The following SHANK2 variants were observed in gnomAD, a reference collection of about 807,000 sequenced individuals.
The protein encoded by SHANK2 is SH3 and multiple ankyrin repeat domains 2.
Under a neutral mutation model 133.7 loss-of-function variants are expected in SHANK2, and 43 were observed. The ratio of observed to expected loss-of-function variants is 0.32; its 90% CI spans 0.25 to 0.41. SHANK2 has a LOEUF of 0.41. Among genes scored for constraint, SHANK2 ranks in the 10% least tolerant of loss-of-function variants. The probability of loss-of-function intolerance (pLI) is 1.00; values close to 1 mark genes in which losing one functional copy is unlikely to be tolerated. For missense variants in SHANK2, 1,994 were observed against 2,235.8 expected (o/e 0.89, Z 2.18); for synonymous variants, 1,017 against 952.8 (o/e 1.07, Z -1.24).
chr11:70,888,214 G>C (rs1197699914), intron 11 of SHANK2, among the ~76,000 whole-genome samples: 6 of 151,944 alleles, frequency 3.9e-5, no homozygotes, highest in Non-Finnish European at 5.9e-5. Flanking sequence ...GAGGATATGG[G>C]GTGGAGGAAG....
chr11:70,790,088 C>T (rs965116300), intron 14 of SHANK2, among the ~76,000 whole-genome samples: 9 of 152,190 alleles, frequency 5.9e-5, no homozygotes, highest in Admixed American at 4.6e-4. Flanking sequence ...CTGATTACTT[C>T]GGAAATATTT....
At chr11:71,185,652 T>C (rs563316484) in intron 2 of SHANK2, among the ~76,000 whole-genome samples, 1 of 152,304 alleles carries the variant, frequency 6.6e-6, no homozygotes, top group East Asian at 1.9e-4. Context: ...TCCTGTTGAC[T>C]GACATGGTCC....
intron 10 of SHANK2, among the ~76,000 whole-genome samples, chr11:70,916,741 G>A (rs1310289834): frequency 6.6e-6 from 1 of 152,144 alleles, no homozygotes; most frequent in Admixed American, 6.5e-5. Flanking sequence ...TGACTCCAGG[G>A]TCTCTATCCT....
chr11:70,685,206 GC>G (rs1945118306), intron 15 of SHANK2, among the ~76,000 whole-genome samples: 1 of 151,990 alleles, frequency 6.6e-6, no homozygotes, highest in Non-Finnish European at 1.5e-5. Flanking sequence ...AAAGAAAAAA[GC>G]TCCCAACCTC....
At chr11:70,667,388 G>C (rs1944697849) in intron 15 of SHANK2, among the ~76,000 whole-genome samples, 1 of 152,158 alleles carries the variant, frequency 6.6e-6, no homozygotes, top group Non-Finnish European at 1.5e-5. Flanking sequence ...GGAGCACTTA[G>C]CACCTTGAAG....
chr11:70,733,564 G>T (rs1365508178), intron 14 of SHANK2, among the ~76,000 whole-genome samples: 3 of 152,202 alleles, frequency 2.0e-5, no homozygotes, highest in Admixed American at 6.5e-5. Context: ...ATTCATGGGG[G>T]TACTGTCTGT....
intron 11 of SHANK2, among the ~76,000 whole-genome samples, chr11:70,842,940 C>A (rs1263830467): frequency 6.6e-6 from 1 of 152,064 alleles, no homozygotes; most frequent in East Asian, 1.9e-4. Context: ...GGCGGCCATT[C>A]CCTCGTGTCA....
rs151324565 is a variant in SHANK2, at chr11:70,512,125, C to A, written c.2062-9194G>T. On this transcript the variant is annotated intron_variant, in intron 17 of 25. Coordinates refer to ENST00000601538, the MANE Select transcript of SHANK2 (RefSeq NM_012309.5). ...TTGGCTCAGAGTTTGTGAAATGTGG[C>A]ACTATGGTGATTTTGGACCAATTAA... 7.2e-3 allele frequency among the ~76,000 whole-genome samples: 1,094 copies of A among 152,314 alleles called. 12 individuals are homozygous for A. The highest frequency in any genetic ancestry group is 0.026 in the South Asian group (124 of 4,818).
chr11:70,504,799 T>C (rs2059113704), intron 17 of SHANK2, among the ~76,000 whole-genome samples: 2 of 152,086 alleles, frequency 1.3e-5, no homozygotes, highest in African/African-American at 4.8e-5. Flanking sequence ...CCGGGAGTTC[T>C]CGGAGGGCAG....
In SHANK2 at chr11:71,234,440, T is replaced by C. The variant is rs146259104; in HGVS notation, c.-112-9644A>G. Among the ~76,000 whole-genome samples, 36 of 152,154 alleles carry C rather than the reference T, an allele frequency of 2.4e-4. 1 individual carries two copies. The East Asian group carries it at 6.9e-3, about 29-fold the overall frequency. On this transcript the variant is annotated intron_variant, in intron 1 of 25. Coordinates refer to ENST00000601538, the MANE Select transcript of SHANK2 (RefSeq NM_012309.5). ...TTAGCCTGCAGATGCACCTCTATTT[T>C]TGGAGGTGCTCATCACTCTTACAGA...
chr11:70,651,077 A>C (rs1470693464), intron 17 of SHANK2, among the ~76,000 whole-genome samples: 1 of 152,212 alleles, frequency 6.6e-6, no homozygotes, highest in Non-Finnish European at 1.5e-5. Context: ...ACAGTTAGGA[A>C]GAGGCAGAGC....
intron 1 of SHANK2, among the ~76,000 whole-genome samples, chr11:71,245,702 C>T (rs1440680902): frequency 6.6e-6 from 1 of 152,220 alleles, no homozygotes; most frequent in South Asian, 2.1e-4. Flanking sequence ...GAATGACCCT[C>T]GAGGGAGGGA....
rs185458935 is a variant in SHANK2 at position 71,153,843 on chromosome 11, G to A, written c.-12-6505C>T. ...AAATTAGCCAGGTGTGGTGGTGGGCGCCTGTAATCCCAGCTACTTGGGAGG... is the reference window on the plus strand; with the variant it reads ...AAATTAGCCAGGTGTGGTGGTGGGCACCTGTAATCCCAGCTACTTGGGAGG... On this transcript the variant is annotated intron_variant, in intron 2 of 25. Coordinates refer to ENST00000601538, the MANE Select transcript of SHANK2 (RefSeq NM_012309.5). 3.3e-3 allele frequency among the ~76,000 whole-genome samples: 503 copies of A among 152,186 alleles called. 2 individuals are homozygous for A. Among genetic ancestry groups the A allele is most frequent in the African/African-American group, 0.011 (466 of 41,516 alleles).
intron 10 of SHANK2, among the ~76,000 whole-genome samples, chr11:70,910,046 G>T (rs992958129): frequency 2.0e-5 from 3 of 152,120 alleles, no homozygotes; most frequent in Non-Finnish European, 2.9e-5. Context: ...CTCACACCGT[G>T]GTCCCTCTCT....
rs1195449291 is a variant in SHANK2 at position 70,536,635 on chromosome 11, C to G, written c.2062-33704G>C. Among the ~76,000 whole-genome samples, 4 of 152,330 alleles carry G rather than the reference C, an allele frequency of 2.6e-5. No homozygotes were observed. In the East Asian group the frequency reaches 7.7e-4, roughly 29 times the overall value. ...CTCCTGGGCTTCAGGCTTGTGGCTC[C>G]CCTTCAGCTGGGGTCAGACACCTCA... is the stretch of plus-strand genomic sequence containing the variant. On this transcript the variant is annotated intron_variant, in intron 17 of 25. Transcript: ENST00000601538.
chr11:70,749,689 T>A (rs554063822), intron 14 of SHANK2, among the ~76,000 whole-genome samples: 15 of 152,184 alleles, frequency 9.9e-5, no homozygotes, highest in African/African-American at 2.9e-4. Context: ...CAAATGAAAA[T>A]GTTAAAGTTG....
chr11:70,948,866 A>AT (rs1187659116), intron 10 of SHANK2, among the ~76,000 whole-genome samples: 3 of 152,142 alleles, frequency 2.0e-5, no homozygotes, highest in African/African-American at 4.8e-5. Flanking sequence ...AACACATTCA[A>AT]TTTTTTTTAA....
chr11:71,218,051 C>T (rs1180698676), intron 2 of SHANK2, among the ~76,000 whole-genome samples: 3 of 151,718 alleles, frequency 2.0e-5, no homozygotes, highest in African/African-American at 2.4e-5. Flanking sequence ...AGGGTTTCAC[C>T]GTGTTAGCCA....
In SHANK2 at chr11:71,102,954, G is replaced by A. The variant is rs147766294; in HGVS notation, c.592+6987C>T. ...AGATCAAGGTGCTGGCAGATTTGGC[G>A]TGTGTCTACCTGGTTCACATAGGGC... is the stretch of plus-strand genomic sequence containing the variant. On this transcript the variant is annotated intron_variant, in intron 6 of 25. Coordinates refer to ENST00000601538, the MANE Select transcript of SHANK2 (RefSeq NM_012309.5). Among the ~76,000 whole-genome samples the A allele has an allele frequency of 7.2e-3, 1,101 of 152,338 alleles. 6 individuals are homozygous for A. The highest frequency in any genetic ancestry group is 0.041 in the Middle Eastern group (12 of 294).
Sources: allele counts gnomAD v4.1 joint callset (sites outside exome capture counted in the v4.1 genomes callset), GRCh38; gene constraint gnomAD v4.1.1; transcripts MANE v1.5; gene names NCBI Gene and HGNC (gene_info 2026-07-23, HGNC 2026-07-21).